The following ZBTB38 variants were observed in gnomAD, a reference collection of about 807,000 sequenced individuals.
The protein encoded by ZBTB38 is zinc finger and BTB domain-containing protein 38.
A neutral mutation model predicts 76.8 loss-of-function variants in ZBTB38; 20 were observed. The observed-to-expected ratio is 0.26, with a 90% CI of 0.18 to 0.38. The LOEUF (loss-of-function observed/expected upper bound fraction) is 0.38, where lower values mean the gene tolerates loss of function less well. Ranked by LOEUF, ZBTB38 falls within the 10% of genes least tolerant of loss-of-function variation. The pLI is 1.00. For synonymous variants in ZBTB38, 504 were observed against 544.2 expected (o/e 0.93, Z 1.03); for missense variants, 1,082 against 1,482.3 (o/e 0.73, Z 4.43).
chr3:141,391,736 A>G (rs1048575445), intron 4 of ZBTB38, among the ~76,000 whole-genome samples: 3 of 152,240 alleles, frequency 2.0e-5, no homozygotes, highest in Non-Finnish European at 4.4e-5. Flanking sequence ...ACATTGAGAT[A>G]GTCATTGAAT....
rs2081168230 is a variant in ZBTB38, at chr3:141,447,266, G to A, written c.*1290G>A. 6.6e-6 allele frequency: 1 copy of A among 152,632 alleles called. No homozygotes were observed. The highest frequency in any genetic ancestry group is 1.5e-5 in the Non-Finnish European group (1 of 68,040). 9.5% of individuals were successfully genotyped at this position (152,632 alleles called of 1,614,324 possible). ...AAAACAGTAGCTTTGTTTTTAGGGG[G>A]TGGGAAGGTAGGATGTGGAGTGACA... is the stretch of plus-strand genomic sequence containing the variant. On this transcript the variant is annotated 3_prime_UTR_variant, in exon 6 of 6. Transcript: ENST00000321464.
chr3:141,340,518 A>C (rs1331157885), intron 1 of ZBTB38, among the ~76,000 whole-genome samples: 1 of 152,188 alleles, frequency 6.6e-6, no homozygotes, highest in African/African-American at 2.4e-5. Context: ...AATATATAAA[A>C]ACTCTTCAAC....
intron 5 of ZBTB38, chr3:141,426,019 C>A: frequency 1.7e-6 from 1 of 578,486 alleles, no homozygotes; most frequent in Non-Finnish European, 2.9e-6. Flanking sequence ...TGGGACACAG[C>A]TTGGATGACA....
intron 5 of ZBTB38, among the ~76,000 whole-genome samples, chr3:141,428,993 T>G (rs1357752476): frequency 2.0e-5 from 3 of 152,332 alleles, no homozygotes; most frequent in African/African-American, 7.2e-5. Flanking sequence ...ATAGTATAGA[T>G]TGTTCCTTTT....
At chr3:141,364,880 G>A (rs535305045), upstream of ZBTB38, among the ~76,000 whole-genome samples, 6 of 152,150 alleles carry the variant, frequency 3.9e-5, no homozygotes, top group Middle Eastern at 3.4e-3. Flanking sequence ...TAATAAAAAA[G>A]ACAGGCAATA....
At position 141,443,314 on chromosome 3, in the gene ZBTB38, C is replaced by T. The variant is rs1425303127; in HGVS notation, c.926C>T (p.Ser309Phe). ...QPAAVLTRSK[S>F]PNNEGDVHFS... ...GCTGCTGTTCTCACTCGTTCAAAAT[C>T]TCCAAACAATGAAGGAGATGTCCAT... Residue 309 changes from serine (S) to phenylalanine (F), a missense_variant, in exon 6 of 6, where the codon TCT (serine) becomes TTT (phenylalanine). By Grantham distance (155) the Ser-to-Phe change is radical (BLOSUM62 -2). Around this residue, in one of 8 missense-constraint regions of ZBTB38, gnomAD observed 324 missense variants for 359.1 expected, o/e 0.90. Transcript: ENST00000321464. The surrounding 1 kb of genome is among the most constrained non-coding windows in gnomAD (Gnocchi z 5.6). The T allele has an allele frequency of 1.9e-6, 3 of 1,614,076 alleles. No individual in the cohort carries two copies. Among genetic ancestry groups the T allele is most frequent in the Admixed American group, 1.7e-5 (1 of 60,014 alleles).
chr3:141,390,289 A>G (rs928839411), intron 4 of ZBTB38, among the ~76,000 whole-genome samples: 1 of 152,128 alleles, frequency 6.6e-6, no homozygotes, highest in Non-Finnish European at 1.5e-5. Flanking sequence ...TCCTGAACCC[A>G]TTTACACTTT....
intron 1 of ZBTB38, among the ~76,000 whole-genome samples, chr3:141,342,747 T>A (rs555473414): frequency 1.4e-5 from 2 of 142,548 alleles, no homozygotes; most frequent in East Asian, 4.2e-4. Flanking sequence ...TTTTTTTTTT[T>A]AATGCACAGA....
intron 5 of ZBTB38, among the ~76,000 whole-genome samples, chr3:141,440,212 T>C (rs1186126192): frequency 2.0e-5 from 3 of 152,176 alleles, no homozygotes; most frequent in African/African-American, 7.2e-5. Context: ...GCTACAACAA[T>C]TGATGATAAA....
At chr3:141,393,886 G>C (rs1326481429) in intron 4 of ZBTB38, among the ~76,000 whole-genome samples, 2 of 152,148 alleles carry the variant, frequency 1.3e-5, no homozygotes, top group African/African-American at 4.8e-5. Context: ...CATAATGTTG[G>C]CCTTGCTACT....
intron 5 of ZBTB38, among the ~76,000 whole-genome samples, chr3:141,412,103 G>T (rs939201895): frequency 6.6e-6 from 1 of 152,134 alleles, no homozygotes; most frequent in South Asian, 2.1e-4. Flanking sequence ...CATTAAAAAT[G>T]ACCTATATTT....
chr3:141,445,892 C>T lies in ZBTB38; in HGVS notation c.3504C>T (p.Pro1168=), dbSNP rs766655903. The change falls in exon 6 of 6, where the codon CCC becomes CCT. Residue 1168 remains proline (P), a synonymous_variant. Transcript: ENST00000321464. This position sits in a 1 kb window ranked among gnomAD's most constrained non-coding sequence, Gnocchi z 6.5. ...IGDVCHENSN[P]LENQHFIGSE... ...ACGTGTGCCACGAAAACTCAAATCCCTTGGAGAATCAACATTTCATTGGTT... is the reference window on the plus strand; with the variant it reads ...ACGTGTGCCACGAAAACTCAAATCCTTTGGAGAATCAACATTTCATTGGTT... 1 of 1,610,280 alleles carries T rather than the reference C, an allele frequency of 6.2e-7. No individual in the cohort carries two copies. Among genetic ancestry groups the T allele is most frequent in the South Asian group, 1.1e-5 (1 of 91,080 alleles).
intron 1 of ZBTB38, among the ~76,000 whole-genome samples, chr3:141,329,058 A>C (rs984903103): frequency 6.6e-6 from 1 of 152,144 alleles, no homozygotes; most frequent in Non-Finnish European, 1.5e-5. Context: ...ATAATTGGCT[A>C]GTCTGAATAC....
At chr3:141,339,397 A>T (rs1276422560) in intron 1 of ZBTB38, among the ~76,000 whole-genome samples, 1 of 152,132 alleles carries the variant, frequency 6.6e-6, no homozygotes, top group Non-Finnish European at 1.5e-5. Flanking sequence ...GTTTTTAGAG[A>T]ATCATCCTGG....
At chr3:141,404,611 A>G (rs1203721708) in intron 5 of ZBTB38, among the ~76,000 whole-genome samples, 1 of 152,092 alleles carries the variant, frequency 6.6e-6, no homozygotes, top group Non-Finnish European at 1.5e-5. Flanking sequence ...AATAACAACT[A>G]CCATTTGTCG....
rs114197688 is a variant in ZBTB38 at position 141,406,914 on chromosome 3, G to A, written c.-1+2883G>A. Reference sequence around the variant, plus strand: ...GTTTTCCTTTTTAAGGTAATATGACGTGTATGATGAATATTAAGTGGTTTA... The same window carrying A: ...GTTTTCCTTTTTAAGGTAATATGACATGTATGATGAATATTAAGTGGTTTA... On this transcript the variant is annotated intron_variant, in intron 5 of 5. Transcript: ENST00000321464. 2.3e-3 allele frequency among the ~76,000 whole-genome samples: 346 copies of A among 152,204 alleles called. 1 individual carries two copies. The highest frequency in any genetic ancestry group is 2.5e-3 in the African/African-American group (102 of 41,522).
intron 1 of ZBTB38, among the ~76,000 whole-genome samples, chr3:141,353,321 T>C (rs1274162154): frequency 1.3e-5 from 2 of 151,956 alleles, no homozygotes; most frequent in Non-Finnish European, 2.9e-5. Flanking sequence ...CCCCTGAGGG[T>C]GATGCCCCTT....
At chr3:141,327,200 G>A (rs1165683388) in intron 1 of ZBTB38, among the ~76,000 whole-genome samples, 1 of 152,162 alleles carries the variant, frequency 6.6e-6, no homozygotes, top group African/African-American at 2.4e-5. Flanking sequence ...AAAGCTGACT[G>A]CCTCTTTCCT....
chr3:141,378,375 C>T (rs898128851), intron 2 of ZBTB38, among the ~76,000 whole-genome samples: 2 of 144,522 alleles, frequency 1.4e-5, no homozygotes, highest in African/African-American at 5.2e-5. Flanking sequence ...CACACACACA[C>T]ACAGAGTGCA....
Sources: allele counts gnomAD v4.1 joint callset (sites outside exome capture counted in the v4.1 genomes callset), GRCh38; gene constraint gnomAD v4.1.1; regional missense constraint gnomAD v4.1.1; non-coding constraint Gnocchi (gnomAD v3.1); transcripts MANE v1.5; gene names NCBI Gene and HGNC (gene_info 2026-07-23, HGNC 2026-07-21).